Variants in SNRPN observed in about 807,000 individuals in gnomAD.
The protein encoded by SNRPN is small nuclear ribonucleoprotein polypeptide N.
Under a neutral mutation model 25.2 loss-of-function variants are expected in SNRPN, and 7 were observed. The ratio of observed to expected loss-of-function variants is 0.28; its 90% CI spans 0.16 to 0.52. The LOEUF (loss-of-function observed/expected upper bound fraction) is 0.52, where lower values mean the gene tolerates loss of function less well. Ranked by LOEUF, SNRPN falls within the 20% of genes least tolerant of loss-of-function variation. The probability of loss-of-function intolerance (pLI) is 0.96; values close to 1 mark genes in which losing one functional copy is unlikely to be tolerated. For synonymous variants in SNRPN, 124 were observed against 110.6 expected (o/e 1.12, Z -0.76); for missense variants, 196 against 322.5 (o/e 0.61, Z 3.00).
At chr15:24,829,179 T>C (rs903010632) in intron 1 of SNRPN, among the ~76,000 whole-genome samples, 2 of 152,036 alleles carry the variant, frequency 1.3e-5, no homozygotes, top group African/African-American at 4.8e-5. Context: ...GGAAGCAATA[T>C]AGACAAAGTT....
intron 6 of SNRPN, 117 bp from the exon 7 acceptor site, chr15:24,976,760 G>A (rs1005318837): frequency 6.7e-6 from 6 of 889,440 alleles, no homozygotes; most frequent in South Asian, 1.5e-5. Flanking sequence ...TTTGGACACA[G>A]AACTAATATG....
chr15:24,935,612 G>A (rs1027096653), intron 3 of SNRPN, among the ~76,000 whole-genome samples: 2 of 152,150 alleles, frequency 1.3e-5, no homozygotes, highest in Non-Finnish European at 2.9e-5. Context: ...CAAGAAGTCT[G>A]GACTGGAGGT....
At position 24,929,005 on chromosome 15, in the gene SNRPN, G is replaced by GTT. The variant is rs2060611710; in HGVS notation, c.-391+8886_-391+8887dup. Reference sequence around the variant, plus strand: ...TTGTCCCCACTATTAAATCAGCTGTGTTTTTTCCAAGGAATCCTGATTTCT... The same window carrying GTT: ...TTGTCCCCACTATTAAATCAGCTGTGTTTTTTTTCCAAGGAATCCTGATTTCT... On this transcript the variant is annotated intron_variant, in intron 3 of 11. Transcript: ENST00000400097. The surrounding 1 kb of genome is among the most constrained non-coding windows in gnomAD (Gnocchi z 5.3). Among the ~76,000 whole-genome samples the GTT allele has an allele frequency of 6.6e-6, 1 of 152,022 alleles. No homozygotes were observed. Among genetic ancestry groups the GTT allele is most frequent in the Non-Finnish European group, 1.5e-5 (1 of 67,998 alleles).
At chr15:24,878,160 C>A (rs919461290) in intron 1 of SNRPN, among the ~76,000 whole-genome samples, 1 of 152,210 alleles carries the variant, frequency 6.6e-6, no homozygotes, top group Non-Finnish European at 1.5e-5. Flanking sequence ...TAGGTTAAAG[C>A]CTTGTTAAGT....
chr15:24,961,541 G>C (rs545714929), intron 1 of SNRPN, among the ~76,000 whole-genome samples: 10 of 152,212 alleles, frequency 6.6e-5, no homozygotes, highest in South Asian at 4.2e-4. Context: ...GACGTAACAT[G>C]GCGGGTTTTT....
At chr15:24,941,706 T>C (rs1344122288) in intron 3 of SNRPN, among the ~76,000 whole-genome samples, 2 of 152,210 alleles carry the variant, frequency 1.3e-5, no homozygotes, top group African/African-American at 4.8e-5. Context: ...GCACAACAAT[T>C]CCCTTCTTTG....
At chr15:24,835,111 ATATC>A (rs2051021884) in intron 2 of SNRPN, among the ~76,000 whole-genome samples, 1 of 66,394 alleles carries the variant, frequency 1.5e-5, no homozygotes, top group Non-Finnish European at 3.1e-5. Flanking sequence ...TATATACTAT[ATATC>A]TATATATAAA....
intron 1 of SNRPN, among the ~76,000 whole-genome samples, chr15:24,828,700 G>A (rs1389311587): frequency 6.6e-6 from 1 of 152,104 alleles, no homozygotes; most frequent in Non-Finnish European, 1.5e-5. Flanking sequence ...ACTGCAGCCT[G>A]AGAAATATAG....
intron 1 of SNRPN, among the ~76,000 whole-genome samples, chr15:24,878,093 T>C (rs953759782): frequency 3.3e-5 from 5 of 152,220 alleles, no homozygotes; most frequent in African/African-American, 1.2e-4. Flanking sequence ...TAAATGAGTG[T>C]GTGTTTCCAT....
At chr15:24,880,733 T>C (rs2056496254) in intron 1 of SNRPN, among the ~76,000 whole-genome samples, 2 of 150,252 alleles carry the variant, frequency 1.3e-5, no homozygotes. Context: ...ACCCAAGTTC[T>C]TCATTTTAAC....
At chr15:24,836,777 T>G (rs1213562892) in intron 2 of SNRPN, among the ~76,000 whole-genome samples, 1 of 152,080 alleles carries the variant, frequency 6.6e-6, no homozygotes. Flanking sequence ...CTCAAACATC[T>G]AGGGAGAACT....
At chr15:24,887,106 G>A (rs553968249) in intron 2 of SNRPN, among the ~76,000 whole-genome samples, 35 of 150,468 alleles carry the variant, frequency 2.3e-4, no homozygotes, top group African/African-American at 5.4e-4. Flanking sequence ...ATCATCTTCC[G>A]GTCCTATAGA....
At chr15:24,901,105 A>G (rs1025963275) in intron 2 of SNRPN, among the ~76,000 whole-genome samples, 2 of 152,152 alleles carry the variant, frequency 1.3e-5, no homozygotes, top group African/African-American at 4.8e-5. Context: ...CAAAAAATTA[A>G]CAAAAAAAGA....
At chr15:24,930,282 A>G (rs2060725122) in intron 3 of SNRPN, among the ~76,000 whole-genome samples, 1 of 150,832 alleles carries the variant, frequency 6.6e-6, no homozygotes, top group African/African-American at 2.4e-5. Context: ...AATGTTAAAT[A>G]GATGATTTAT....
chr15:24,917,260 T>C (rs1020417703), intron 2 of SNRPN, among the ~76,000 whole-genome samples: 1 of 152,152 alleles, frequency 6.6e-6, no homozygotes, highest in Non-Finnish European at 1.5e-5. Context: ...ATAGAAGAAA[T>C]GAACATTTCC....
rs538201754 is a variant in SNRPN at position 24,872,126 on chromosome 15, T to G, written c.-578-14390T>G. Among the ~76,000 whole-genome samples, 3 of 121,584 alleles carry G rather than the reference T, an allele frequency of 2.5e-5. 1 individual carries two copies. In the Middle Eastern group the frequency reaches 0.014, roughly 585 times the overall value. The allele number at this position is 121,584 out of a possible 152,430, so 79.8% of individuals were successfully genotyped here. On this transcript the variant is annotated intron_variant, in intron 1 of 11. Transcript: ENST00000400097. ...TGTTACTTGTGTTTTTTGTGTTATA[T>G]CTTAGAAACCATTAATTTCAGACCA...
At chr15:24,954,795 T>A (rs909615184), upstream of SNRPN, 2 of 570,254 alleles carry the variant, frequency 3.5e-6, no homozygotes, top group African/African-American at 3.7e-5. Context: ...AGAGGCCCCC[T>A]CTCATTGCAA....
At chr15:24,875,285 A>G (rs2055742363) in intron 1 of SNRPN, among the ~76,000 whole-genome samples, 1 of 152,240 alleles carries the variant, frequency 6.6e-6, no homozygotes, top group Non-Finnish European at 1.5e-5. Flanking sequence ...ACAGGAAAAG[A>G]GTAGAAAAAC....
chr15:24,831,193 T>C (rs34611829), intron 2 of SNRPN, among the ~76,000 whole-genome samples: 14,807 of 152,108 alleles, frequency 0.097, 802 homozygotes, highest in Non-Finnish European at 0.12. Flanking sequence ...AAGGTCTTTA[T>C]CCCTGATAAT....
Sources: allele counts gnomAD v4.1 joint callset (sites outside exome capture counted in the v4.1 genomes callset), GRCh38; gene constraint gnomAD v4.1.1; non-coding constraint Gnocchi (gnomAD v3.1); transcripts MANE v1.5; gene names NCBI Gene and HGNC (gene_info 2026-07-23, HGNC 2026-07-21).